Variants in FOXP2 observed in about 807,000 individuals in gnomAD.
FOXP2 encodes the protein forkhead box protein P2.
Under a neutral mutation model 115.8 loss-of-function variants are expected in FOXP2, and 12 were observed. The observed-to-expected ratio is 0.10, with a 90% CI of 0.07 to 0.17. The LOEUF (loss-of-function observed/expected upper bound fraction) is 0.17, where lower values mean the gene tolerates loss of function less well. FOXP2 is among the 10% of genes least tolerant of loss of function. FOXP2 has a pLI of 1.00. For missense variants in FOXP2, 629 were observed against 843.5 expected, an observed-to-expected ratio of 0.75 and a Z score of 3.15; for synonymous variants, 328 against 297.7, an observed-to-expected ratio of 1.10 and a Z score of -1.05.
At chr7:114,610,676 GT>G (rs147621208) in intron 3 of FOXP2, among the ~76,000 whole-genome samples, 7 of 147,484 alleles carry the variant, frequency 4.7e-5, no homozygotes, top group Non-Finnish European at 9.0e-5. Context: ...TTCAATTTGT[GT>G]TTTTTTTTTG....
At chr7:114,511,229 T>C (rs1584828504) in intron 2 of FOXP2, among the ~76,000 whole-genome samples, 3 of 151,954 alleles carry the variant, frequency 2.0e-5, no homozygotes, top group African/African-American at 7.3e-5. Flanking sequence ...AGGGGAGGGA[T>C]AGCATTAGGA....
At chr7:114,498,119 A>C (rs536805209) in intron 2 of FOXP2, among the ~76,000 whole-genome samples, 22 of 152,192 alleles carry the variant, frequency 1.4e-4, no homozygotes, top group Non-Finnish European at 2.9e-4. Context: ...TCCGTTGCTT[A>C]GTTAATATAG....
chr7:114,692,404 G>A lies in FOXP2; in HGVS notation c.*2478G>A, dbSNP rs766265951. The A allele has an allele frequency of 4.4e-6, 2 of 451,028 alleles. No homozygotes were observed. The highest frequency in any genetic ancestry group is 4.0e-5 in the African/African-American group (2 of 49,684). 27.9% of individuals were successfully genotyped at this position (451,028 alleles called of 1,614,324 possible). Reference sequence around the variant, plus strand: ...CAGAAAAACCTCCAAAACTGCAATTGCTTTGAAAATAGATTTTAGGTTTTT... The same window carrying A: ...CAGAAAAACCTCCAAAACTGCAATTACTTTGAAAATAGATTTTAGGTTTTT... On this transcript the variant is annotated 3_prime_UTR_variant, in exon 17 of 17. Transcript: ENST00000350908.
intron 16 of FOXP2, among the ~76,000 whole-genome samples, chr7:114,684,339 CAGA>C (rs1177920589): frequency 2.6e-5 from 4 of 152,152 alleles, no homozygotes; most frequent in African/African-American, 9.7e-5. Context: ...CAGAAACTGT[CAGA>C]GGAGGGGGAC....
intron 2 of FOXP2, among the ~76,000 whole-genome samples, chr7:114,329,569 A>G (rs953674974): frequency 7.9e-5 from 12 of 151,824 alleles, no homozygotes; most frequent in African/African-American, 2.7e-4. Context: ...CTGAAAAAAC[A>G]TATTTGATGA....
intron 1 of FOXP2, among the ~76,000 whole-genome samples, chr7:114,171,621 A>C (rs780080126): frequency 6.6e-6 from 1 of 152,158 alleles, no homozygotes; most frequent in Non-Finnish European, 1.5e-5. Flanking sequence ...GCTCCAATGG[A>C]GATGTTCAAG....
intron 1 of FOXP2, among the ~76,000 whole-genome samples, chr7:114,218,308 C>T (rs12535428): frequency 0.22 from 34,028 of 152,046 alleles, 5,064 homozygotes; most frequent in Non-Finnish European, 0.32. Context: ...TCTGCCCACA[C>T]GTTCTCAAAT....
chr7:114,111,558 A>G (rs1422993928), intron 1 of FOXP2, among the ~76,000 whole-genome samples: 2 of 152,144 alleles, frequency 1.3e-5, no homozygotes, highest in African/African-American at 4.8e-5. Context: ...ATCCAGCTAC[A>G]GGAACTTTTA....
At chr7:114,581,761 C>T (rs1801881264) in intron 3 of FOXP2, among the ~76,000 whole-genome samples, 1 of 152,082 alleles carries the variant, frequency 6.6e-6, no homozygotes, top group African/African-American at 2.4e-5. Flanking sequence ...TTGTGTTTTC[C>T]CTATGCATTC....
At chr7:114,611,961 A>G (rs1310385506) in intron 3 of FOXP2, among the ~76,000 whole-genome samples, 1 of 152,184 alleles carries the variant, frequency 6.6e-6, no homozygotes, top group African/African-American at 2.4e-5. Context: ...TGACAAATGG[A>G]ATAAAAATGA....
At chr7:114,188,878 A>G (rs1793684097) in intron 1 of FOXP2, among the ~76,000 whole-genome samples, 1 of 152,176 alleles carries the variant, frequency 6.6e-6, no homozygotes, top group South Asian at 2.1e-4. Context: ...TGCTATTTGG[A>G]ATATATAAAC....
intron 2 of FOXP2, among the ~76,000 whole-genome samples, chr7:114,339,424 C>CT (rs1443739593): frequency 2.0e-5 from 3 of 150,896 alleles, no homozygotes; most frequent in South Asian, 4.2e-4. Context: ...TTTTTGTGAA[C>CT]TTTTTTTTAG....
At position 114,540,282 on chromosome 7, in the gene FOXP2, G is replaced by A. The variant is rs1799591414; in HGVS notation, c.258+5576G>A. ...TCCAAACATAAACTTATATTTTAAT[G>A]TTTATCTTCTCTATTAAACTGTAAG... On this transcript the variant is annotated intron_variant, in intron 3 of 16. Coordinates refer to ENST00000350908, the MANE Select transcript of FOXP2 (RefSeq NM_014491.4). 3.9e-5 allele frequency among the ~76,000 whole-genome samples: 6 copies of A among 152,104 alleles called. No homozygotes were observed. In the South Asian group the frequency reaches 1.0e-3, roughly 26 times the overall value.
chr7:114,337,616 A>T (rs1797885687), intron 2 of FOXP2, among the ~76,000 whole-genome samples: 1 of 151,220 alleles, frequency 6.6e-6, no homozygotes, highest in Non-Finnish European at 1.5e-5. Context: ...ATATATAAAG[A>T]ATAAAGACTG....
At position 114,483,330 on chromosome 7, in the gene FOXP2, T is replaced by G. The variant is rs566649998; in HGVS notation, c.169-51287T>G. Among the ~76,000 whole-genome samples the G allele has an allele frequency of 1.3e-4, 20 of 151,736 alleles. No homozygotes were observed. In the South Asian group the frequency reaches 3.9e-3, roughly 30 times the overall value. ...TGCTTCCAAGGTTTTTCCTTCCTAC[T>G]CTTCAATCTTGCATATCCTCCTGTA... On this transcript the variant is annotated intron_variant, in intron 2 of 16. Coordinates refer to ENST00000350908, the MANE Select transcript of FOXP2 (RefSeq NM_014491.4).
At chr7:114,341,773 C>A (rs1791223218) in intron 2 of FOXP2, among the ~76,000 whole-genome samples, 1 of 151,278 alleles carries the variant, frequency 6.6e-6, no homozygotes, top group Admixed American at 6.6e-5. Context: ...TTTAAGGAAT[C>A]TTTTCCCCTT....
At chr7:114,243,017 T>G (rs1795192939) in intron 1 of FOXP2, among the ~76,000 whole-genome samples, 2 of 152,118 alleles carry the variant, frequency 1.3e-5, no homozygotes, top group African/African-American at 2.4e-5. Flanking sequence ...CTATTAACTT[T>G]TATCAAGCAC....
At chr7:114,487,351 C>G (rs1584796622) in intron 2 of FOXP2, among the ~76,000 whole-genome samples, 2 of 152,286 alleles carry the variant, frequency 1.3e-5, no homozygotes, top group Admixed American at 1.3e-4. Context: ...AGGCTGCACA[C>G]AGCAGGGGGG....
chr7:114,629,645 A>G (rs1423822027), intron 4 of FOXP2, 160 bp from the exon 5 acceptor site: 2 of 1,593,848 alleles, frequency 1.3e-6, no homozygotes, highest in Non-Finnish European at 8.5e-7. Context: ...AAAAAAATGT[A>G]TGTAGAGCTG....
Sources: gnomAD v4.1 joint callset for allele counts (sites outside exome capture counted in the v4.1 genomes callset) on GRCh38, gnomAD v4.1.1 for gene constraint, MANE v1.5 for transcripts, NCBI Gene and HGNC (gene_info 2026-07-23, HGNC 2026-07-21) for gene names.